The following PXDNL variants were observed in gnomAD, a reference collection of about 807,000 sequenced individuals.
The protein encoded by PXDNL is probable oxidoreductase PXDNL.
Under a neutral mutation model 150.8 loss-of-function variants are expected in PXDNL, and 145 were observed. That is an observed-to-expected ratio of 0.96 (90% confidence interval 0.84 to 1.10). The LOEUF is 1.10. Among genes scored for constraint, PXDNL ranks in the 50% least tolerant of loss-of-function variants. The pLI is 0.00. For synonymous variants in PXDNL, 757 were observed against 725.7 expected (o/e 1.04, Z -0.69); for missense variants, 2,087 against 1,873.9 (o/e 1.11, Z -2.10).
rs1356811817 is a variant in PXDNL at position 51,475,035 on chromosome 8, C to T, written c.631G>A (p.Glu211Lys). 12 of 1,612,476 alleles carry T rather than the reference C, an allele frequency of 7.4e-6. No individual in the cohort carries two copies. The highest frequency in any genetic ancestry group is 2.2e-5 in the East Asian group (1 of 44,860). Reference protein sequence around the residue: ...HGHTQAAATCEYPRRLHGRAV... With the variant: ...HGHTQAAATCKYPRRLHGRAV... ...CGCCCATGGAGTCTCCTGGGATATT[C>T]GCAGGTAGCCGCAGCCTGGGTGTGG... The change falls in exon 7 of 23, where the codon GAA (glutamate) becomes AAA (lysine). Residue 211 changes from glutamate (E) to lysine (K), a missense_variant. Transcript: ENST00000356297.
intron 1 of PXDNL, among the ~76,000 whole-genome samples, chr8:51,691,097 A>G (rs1235320570): frequency 6.6e-6 from 1 of 152,130 alleles, no homozygotes; most frequent in African/African-American, 2.4e-5. Context: ...AGGTTGCAAA[A>G]GTTTTCTCCC....
intron 17 of PXDNL, among the ~76,000 whole-genome samples, chr8:51,382,786 A>G (rs1807588841): frequency 6.6e-6 from 1 of 152,208 alleles, no homozygotes; most frequent in Non-Finnish European, 1.5e-5. Flanking sequence ...AGAAAGTTAC[A>G]TAGGGTCAGA....
chr8:51,411,900 C>T (rs1338129845), intron 15 of PXDNL, among the ~76,000 whole-genome samples: 2 of 152,156 alleles, frequency 1.3e-5, no homozygotes, highest in Non-Finnish European at 1.5e-5. Flanking sequence ...AGCTATCACT[C>T]CATCTTCTCT....
chr8:51,621,087 A>G (rs1223700333), intron 2 of PXDNL, among the ~76,000 whole-genome samples: 4 of 152,182 alleles, frequency 2.6e-5, no homozygotes, highest in Non-Finnish European at 5.9e-5. Context: ...CTATCTTGCT[A>G]ATTCCTCCCT....
At chr8:51,346,972 A>G (rs1241875432) in intron 19 of PXDNL, among the ~76,000 whole-genome samples, 1 of 152,210 alleles carries the variant, frequency 6.6e-6, no homozygotes, top group East Asian at 1.9e-4. Context: ...TCTGGAAACT[A>G]AGATATTTTG....
At chr8:51,799,039 A>C (rs2129262044) in intron 1 of PXDNL, among the ~76,000 whole-genome samples, 1 of 152,364 alleles carries the variant, frequency 6.6e-6, no homozygotes, top group East Asian at 1.9e-4. Context: ...CATATACACC[A>C]TGGAATACTA....
intron 3 of PXDNL, among the ~76,000 whole-genome samples, chr8:51,569,973 T>C (rs1288753623): frequency 6.6e-6 from 1 of 151,910 alleles, no homozygotes; most frequent in Non-Finnish European, 1.5e-5. Context: ...AGTGCTTTTG[T>C]TGCCCGGGAT....
intron 12 of PXDNL, among the ~76,000 whole-genome samples, chr8:51,430,306 T>A (rs1174740518): frequency 2.0e-5 from 3 of 152,186 alleles, no homozygotes; most frequent in African/African-American, 7.2e-5. Context: ...CCTTTCCTTT[T>A]CAGCCAAGCT....
At chr8:51,577,561 T>G (rs1285402384) in intron 3 of PXDNL, among the ~76,000 whole-genome samples, 2 of 145,266 alleles carry the variant, frequency 1.4e-5, no homozygotes, top group Admixed American at 1.4e-4. Flanking sequence ...AATACATATA[T>G]TTTATATATA....
chr8:51,645,376 C>T (rs1482745032), intron 2 of PXDNL, among the ~76,000 whole-genome samples: 2 of 152,120 alleles, frequency 1.3e-5, no homozygotes, highest in Non-Finnish European at 2.9e-5. Context: ...CATCCTGCGC[C>T]CTGATTAATT....
chr8:51,533,746 C>A (rs1454802807), intron 4 of PXDNL, among the ~76,000 whole-genome samples: 7 of 151,156 alleles, frequency 4.6e-5, no homozygotes, highest in African/African-American at 1.7e-4. Flanking sequence ...CTCGGCCTCC[C>A]GAGGTGCCGG....
chr8:51,719,963 A>G (rs1295248283), intron 1 of PXDNL, among the ~76,000 whole-genome samples: 2 of 152,080 alleles, frequency 1.3e-5, no homozygotes, highest in East Asian at 3.9e-4. Flanking sequence ...CAAACCAAAT[A>G]CAAGCAGAGC....
At chr8:51,667,243 C>T (rs190303966) in intron 1 of PXDNL, among the ~76,000 whole-genome samples, 2 of 152,270 alleles carry the variant, frequency 1.3e-5, no homozygotes, top group East Asian at 1.9e-4. Context: ...GTAAGTGCCC[C>T]GACAGCCCAC....
chr8:51,453,521 T>C lies in PXDNL; in HGVS notation c.1247A>G (p.Gln416Arg). Residue 416 changes from glutamine to arginine, a missense_variant and splice_region_variant, in exon 10 of 23, where the codon CAA becomes CGA. Transcript: ENST00000356297. ...TVQAAANIIVQAPPQFTVTPK... is the reference protein window; with the variant it reads ...TVQAAANIIVRAPPQFTVTPK... Reference sequence around the variant, plus strand: ...ATCATGACCTTCTGCTCCCATACCTTGTACAATTATGTTTGCTGCAGCTTG... The same window carrying C: ...ATCATGACCTTCTGCTCCCATACCTCGTACAATTATGTTTGCTGCAGCTTG... 6.2e-7 allele frequency: 1 copy of C among 1,614,038 alleles called. No individual in the cohort carries two copies. The highest frequency in any genetic ancestry group is 8.5e-7 in the Non-Finnish European group (1 of 1,179,880).
intron 1 of PXDNL, among the ~76,000 whole-genome samples, chr8:51,675,839 A>G (rs184630468): frequency 6.7e-6 from 1 of 150,292 alleles, no homozygotes; most frequent in Non-Finnish European, 1.5e-5. Flanking sequence ...CTGTTATAGC[A>G]GCACAGATAG....
intron 1 of PXDNL, among the ~76,000 whole-genome samples, chr8:51,742,433 A>G (rs908036631): frequency 6.6e-6 from 1 of 152,154 alleles, no homozygotes; most frequent in East Asian, 1.9e-4. Flanking sequence ...GGATTATGTC[A>G]GTGTTAATTT....
chr8:51,373,387 T>A (rs915940240), intron 18 of PXDNL, among the ~76,000 whole-genome samples: 1 of 152,198 alleles, frequency 6.6e-6, no homozygotes, highest in Non-Finnish European at 1.5e-5. Context: ...TATGGGACTT[T>A]GTTACAACAG....
intron 13 of PXDNL, among the ~76,000 whole-genome samples, chr8:51,425,678 G>A (rs112603246): frequency 4.6e-5 from 7 of 151,932 alleles, no homozygotes; most frequent in East Asian, 3.9e-4. Context: ...AAACTTAGTC[G>A]GGCGTGGTGG....
chr8:51,597,980 C>T (rs1234355225), intron 2 of PXDNL, among the ~76,000 whole-genome samples: 1 of 152,102 alleles, frequency 6.6e-6, no homozygotes, highest in Non-Finnish European at 1.5e-5. Context: ...TCCCAAAGTA[C>T]TGGGATTACA....
Sources: allele counts gnomAD v4.1 joint callset (sites outside exome capture counted in the v4.1 genomes callset), GRCh38; gene constraint gnomAD v4.1.1; transcripts MANE v1.5; gene names NCBI Gene and HGNC (gene_info 2026-07-23, HGNC 2026-07-21).